Variants in FOXP2 observed in about 807,000 individuals in gnomAD.
The protein encoded by FOXP2 is forkhead box protein P2.
FOXP2 carries 12 observed loss-of-function variants against 115.8 expected under a neutral mutation model. The observed-to-expected ratio is 0.10, with a 90% confidence interval of 0.07 to 0.17. The LOEUF (loss-of-function observed/expected upper bound fraction) is 0.17, where lower values mean the gene tolerates loss of function less well. FOXP2 is among the 10% of genes least tolerant of loss of function. The pLI is 1.00. For synonymous variants in FOXP2, 328 were observed against 297.7 expected, an observed-to-expected ratio of 1.10 and a Z score of -1.05; for missense variants, 629 against 843.5, an observed-to-expected ratio of 0.75 and a Z score of 3.15.
intron 2 of FOXP2, among the ~76,000 whole-genome samples, chr7:114,514,088 C>CAT: frequency 4.0e-5 from 1 of 25,034 alleles, no homozygotes; most frequent in South Asian, 1.5e-3. Context: ...GTATCTTATA[C>CAT]ACACACACAC....
intron 3 of FOXP2, among the ~76,000 whole-genome samples, chr7:114,612,376 TAC>T (rs893049930): frequency 5.2e-5 from 6 of 115,570 alleles, no homozygotes; most frequent in African/African-American, 2.4e-4. Context: ...ATATACTATA[TAC>T]ACACACACAT....
In FOXP2 at chr7:114,691,186, T is replaced by C; in HGVS notation, c.*1260T>C. On this transcript the variant is annotated 3_prime_UTR_variant, in exon 17 of 17. Coordinates refer to ENST00000350908, the MANE Select transcript of FOXP2 (RefSeq NM_014491.4). Reference sequence around the variant, plus strand: ...CCCTCATTCAGTCAGTTATTTTCAGTGGTGAATACATGTTGTTAGAAGATG... The same window carrying C: ...CCCTCATTCAGTCAGTTATTTTCAGCGGTGAATACATGTTGTTAGAAGATG... 2.2e-6 allele frequency: 1 copy of C among 454,066 alleles called. No homozygotes were observed. 28.1% of individuals were successfully genotyped at this position (454,066 alleles called of 1,614,324 possible). A position where few individuals can be genotyped will look rare whatever the true frequency, so the allele number is the denominator to read the frequency against.
chr7:114,597,244 G>T (rs1206174349), intron 3 of FOXP2, among the ~76,000 whole-genome samples: 3 of 152,002 alleles, frequency 2.0e-5, no homozygotes, highest in African/African-American at 7.2e-5. Flanking sequence ...TTATTAATGT[G>T]CCTTTCTGGC....
chr7:114,380,101 G>T (rs529914104), intron 2 of FOXP2, among the ~76,000 whole-genome samples: 2 of 152,116 alleles, frequency 1.3e-5, no homozygotes, highest in African/African-American at 4.8e-5. Context: ...CCCGCTTGGC[G>T]GTTCCCTTCT....
At chr7:114,484,440 A>G (rs1796685565) in intron 2 of FOXP2, among the ~76,000 whole-genome samples, 1 of 152,018 alleles carries the variant, frequency 6.6e-6, no homozygotes, top group Non-Finnish European at 1.5e-5. Flanking sequence ...AATGGCCAGT[A>G]TATCCTGTAC....
intron 4 of FOXP2, 194 bp downstream of exon 4, chr7:114,628,871 T>C: frequency 3.1e-6 from 2 of 640,194 alleles, no homozygotes; most frequent in Non-Finnish European, 5.2e-6. Flanking sequence ...TTTAAAAAAA[T>C]TATTAAAGTC....
At chr7:114,662,586 T>C (rs1437183738) in intron 14 of FOXP2, among the ~76,000 whole-genome samples, 1 of 152,088 alleles carries the variant, frequency 6.6e-6, no homozygotes, top group East Asian at 1.9e-4. Context: ...AGTACCTTTT[T>C]ATGAAGAATT....
At chr7:114,612,575 C>G (rs1034684313) in intron 3 of FOXP2, among the ~76,000 whole-genome samples, 2 of 152,058 alleles carry the variant, frequency 1.3e-5, no homozygotes, top group Non-Finnish European at 2.9e-5. Flanking sequence ...CAGTCCTACT[C>G]TTTTGAGGGA....
intron 2 of FOXP2, among the ~76,000 whole-genome samples, chr7:114,431,895 T>C (rs527723099): frequency 1.3e-5 from 2 of 152,058 alleles, no homozygotes; most frequent in South Asian, 2.1e-4. Context: ...TCAATATCAG[T>C]ATACTTATCT....
chr7:114,283,969 A>G (rs1280939262), intron 1 of FOXP2, among the ~76,000 whole-genome samples: 1 of 152,196 alleles, frequency 6.6e-6, no homozygotes, highest in Admixed American at 6.5e-5. Flanking sequence ...TCTAAAAAGA[A>G]GAGCAAAACA....
chr7:114,509,856 A>T (rs1441710396), intron 2 of FOXP2, among the ~76,000 whole-genome samples: 1 of 151,964 alleles, frequency 6.6e-6, no homozygotes, highest in Non-Finnish European at 1.5e-5. Flanking sequence ...CATGAGTCTG[A>T]GTAAGACCAC....
chr7:114,330,214 A>T (rs1018703037), intron 2 of FOXP2, among the ~76,000 whole-genome samples: 1 of 152,126 alleles, frequency 6.6e-6, no homozygotes, highest in African/African-American at 2.4e-5. Flanking sequence ...GGTTTAATAT[A>T]GAATGGCTAT....
intron 3 of FOXP2, among the ~76,000 whole-genome samples, chr7:114,621,247 T>A (rs1332378342): frequency 6.6e-6 from 1 of 152,076 alleles, no homozygotes; most frequent in Non-Finnish European, 1.5e-5. Flanking sequence ...CAGCATCTTT[T>A]TGATATCTAT....
intron 2 of FOXP2, among the ~76,000 whole-genome samples, chr7:114,479,387 G>A (rs1437062292): frequency 1.3e-5 from 2 of 151,340 alleles, no homozygotes; most frequent in Admixed American, 6.6e-5. Context: ...TGTGTGTTAC[G>A]CTTGGTCAAG....
intron 2 of FOXP2, among the ~76,000 whole-genome samples, chr7:114,478,151 G>T (rs1482142239): frequency 1.3e-5 from 2 of 151,758 alleles, no homozygotes; most frequent in Non-Finnish European, 2.9e-5. Flanking sequence ...TAAGAAGTTG[G>T]AGATATTTTT....
intron 1 of FOXP2, among the ~76,000 whole-genome samples, chr7:114,225,286 A>T (rs1018142877): frequency 1.3e-5 from 2 of 152,030 alleles, no homozygotes; most frequent in African/African-American, 2.4e-5. Flanking sequence ...CTGTAAATTT[A>T]TCTGGGTCTT....
At chr7:114,635,113 A>C (rs1584975372) in intron 6 of FOXP2, among the ~76,000 whole-genome samples, 1 of 152,218 alleles carries the variant, frequency 6.6e-6, no homozygotes, top group Non-Finnish European at 1.5e-5. Flanking sequence ...ATAATAATTA[A>C]AAATGAAATA....
intron 1 of FOXP2, among the ~76,000 whole-genome samples, chr7:114,236,198 T>A (rs1382923955): frequency 1.3e-5 from 2 of 152,240 alleles, no homozygotes; most frequent in Non-Finnish European, 2.9e-5. Flanking sequence ...GGATTGGCAA[T>A]TGATATGTCT....
chr7:114,229,175 G>A (rs1039232025), intron 1 of FOXP2, among the ~76,000 whole-genome samples: 1 of 150,866 alleles, frequency 6.6e-6, no homozygotes, highest in Non-Finnish European at 1.5e-5. Context: ...AATGATAAAA[G>A]AGTAAATTCA....
Sources: allele counts gnomAD v4.1 joint callset (sites outside exome capture counted in the v4.1 genomes callset), GRCh38; gene constraint gnomAD v4.1.1; transcripts MANE v1.5; gene names NCBI Gene and HGNC (gene_info 2026-07-23, HGNC 2026-07-21).